KCNN2: variants seen among roughly 807,000 people sequenced by gnomAD.
The protein encoded by KCNN2 is small conductance calcium-activated potassium channel protein 2.
In KCNN2, 24 loss-of-function variants were observed where a neutral mutation model predicts 55.5. That is an observed-to-expected ratio of 0.43 (90% CI 0.31 to 0.61). The LOEUF (loss-of-function observed/expected upper bound fraction) is 0.61, where lower values mean the gene tolerates loss of function less well. Ranked by LOEUF, KCNN2 falls within the 20% of genes least tolerant of loss-of-function variation. KCNN2 has a pLI of 0.08. For missense variants in KCNN2, 754 were observed against 853.6 expected (o/e 0.88, Z 1.45); for synonymous variants, 431 against 336.1 (o/e 1.28, Z -3.09).
At chr5:114,112,486 A>G (rs181339056) in intron 1 of KCNN2, among the ~76,000 whole-genome samples, 75 of 152,196 alleles carry the variant, frequency 4.9e-4, no homozygotes, top group African/African-American at 1.7e-3. Flanking sequence ...TAAAAAATAC[A>G]TAAATAAATA....
At chr5:114,090,497 C>T (rs1190338196) in intron 1 of KCNN2, among the ~76,000 whole-genome samples, 1 of 151,686 alleles carries the variant, frequency 6.6e-6, no homozygotes, top group Non-Finnish European at 1.5e-5. Flanking sequence ...GAATTCATAA[C>T]CATTACTATC....
At chr5:114,171,092 G>A (rs896189316) in intron 1 of KCNN2, among the ~76,000 whole-genome samples, 4 of 151,760 alleles carry the variant, frequency 2.6e-5, no homozygotes, top group Non-Finnish European at 5.9e-5. Flanking sequence ...TTTCCATTCT[G>A]ATGTTCCACT....
At chr5:114,469,497 CTGA>C (rs369206380) in intron 4 of KCNN2, among the ~76,000 whole-genome samples, 131 of 152,242 alleles carry the variant, frequency 8.6e-4, no homozygotes, top group South Asian at 6.0e-3. Flanking sequence ...GATACATTTT[CTGA>C]CTTTGGTGAA....
intron 2 of KCNN2, among the ~76,000 whole-genome samples, chr5:114,387,870 C>T (rs1758333538): frequency 6.6e-6 from 1 of 152,094 alleles, no homozygotes; most frequent in South Asian, 2.1e-4. Flanking sequence ...CCCTCTGCTC[C>T]CACTCAGATA....
At chr5:114,137,683 T>A (rs1163322196) in intron 1 of KCNN2, among the ~76,000 whole-genome samples, 1 of 152,180 alleles carries the variant, frequency 6.6e-6, no homozygotes, top group Admixed American at 6.6e-5. Context: ...TCTGACTGCC[T>A]CATTGGCTCT....
intron 1 of KCNN2, chr5:114,057,075 C>T (rs1339175212): frequency 1.3e-5 from 2 of 152,170 alleles, no homozygotes; most frequent in African/African-American, 2.4e-5. Context: ...GAACTTTGTC[C>T]TACCTCCTCT....
chr5:114,129,910 T>A (rs1343116975), intron 1 of KCNN2, among the ~76,000 whole-genome samples: 3 of 152,190 alleles, frequency 2.0e-5, no homozygotes, highest in Non-Finnish European at 4.4e-5. Context: ...TCCAAACACA[T>A]CAAGCCCAAA....
At chr5:114,225,508 C>T (rs886931040) in intron 2 of KCNN2, among the ~76,000 whole-genome samples, 1 of 152,056 alleles carries the variant, frequency 6.6e-6, no homozygotes, top group Non-Finnish European at 1.5e-5. Context: ...GATTAAGTAA[C>T]AAAAGACACA....
At chr5:114,438,917 A>G (rs1760109373) in intron 3 of KCNN2, among the ~76,000 whole-genome samples, 1 of 152,346 alleles carries the variant, frequency 6.6e-6, no homozygotes. Flanking sequence ...GTTGGAAAGC[A>G]CATTTAATAA....
At chr5:114,154,285 A>G (rs1262342250) in intron 1 of KCNN2, among the ~76,000 whole-genome samples, 6 of 152,166 alleles carry the variant, frequency 3.9e-5, no homozygotes, top group East Asian at 3.9e-4. Context: ...GCAGAGAAAC[A>G]TGAGCCCATA....
At position 114,363,274 on chromosome 5, in the gene KCNN2, A is replaced by T; in HGVS notation, c.1122+13A>T. The T allele has an allele frequency of 6.3e-7, 1 of 1,577,376 alleles. No individual in the cohort carries two copies. The highest frequency in any genetic ancestry group is 1.2e-5 in the South Asian group (1 of 86,268). On this transcript the variant is annotated intron_variant, in intron 1 of 7. Transcript: ENST00000673685. ...CGCCTACGACAAGGTACAGGCTTGA[A>T]CCCCAGCCCACGCTACCGGAGTCGG...
At chr5:114,129,335 G>A (rs1752001838) in intron 1 of KCNN2, among the ~76,000 whole-genome samples, 2 of 152,094 alleles carry the variant, frequency 1.3e-5, no homozygotes, top group African/African-American at 4.8e-5. Flanking sequence ...ACCCAACAAA[G>A]AGAATACAAA....
At chr5:114,343,745 T>G (rs1306407141) in intron 2 of KCNN2, among the ~76,000 whole-genome samples, 1 of 151,966 alleles carries the variant, frequency 6.6e-6, no homozygotes, top group African/African-American at 2.4e-5. Context: ...GGTGAGGGAA[T>G]GAGTGGTACA....
chr5:114,381,102 C>G (rs1758111561), intron 2 of KCNN2, among the ~76,000 whole-genome samples: 1 of 152,066 alleles, frequency 6.6e-6, no homozygotes, highest in Non-Finnish European at 1.5e-5. Context: ...ATAAAATAAC[C>G]TATCTTAGAG....
chr5:114,487,255 T>A, intron 6 of KCNN2, 78 bp downstream of exon 6: 1 of 1,328,894 alleles, frequency 7.5e-7, no homozygotes, highest in Admixed American at 2.1e-5. Context: ...TCTTGTTTCA[T>A]AAGGAAGGAA....
intron 1 of KCNN2, among the ~76,000 whole-genome samples, chr5:114,206,796 G>C (rs1159940183): frequency 1.3e-5 from 2 of 150,474 alleles, no homozygotes; most frequent in East Asian, 3.9e-4. Context: ...AGATTAAAAT[G>C]GTCACAGTCT....
chr5:114,377,430 G>T (rs1209485347), intron 2 of KCNN2, among the ~76,000 whole-genome samples: 1 of 152,208 alleles, frequency 6.6e-6, no homozygotes, highest in Non-Finnish European at 1.5e-5. Flanking sequence ...ATGTTGGATG[G>T]TGTCTGTTGC....
chr5:114,384,941 A>G (rs919019645), intron 2 of KCNN2, among the ~76,000 whole-genome samples: 1 of 152,044 alleles, frequency 6.6e-6, no homozygotes, highest in African/African-American at 2.4e-5. Context: ...AGTTTCAAAA[A>G]TAATCATTAA....
intron 3 of KCNN2, among the ~76,000 whole-genome samples, chr5:114,422,042 A>G (rs1024247977): frequency 1.3e-5 from 2 of 152,214 alleles, no homozygotes; most frequent in African/African-American, 2.4e-5. Flanking sequence ...TTTTTATATC[A>G]GTAGTCACTG....
Sources: allele counts gnomAD v4.1 joint callset (sites outside exome capture counted in the v4.1 genomes callset), GRCh38; gene constraint gnomAD v4.1.1; transcripts MANE v1.5; gene names NCBI Gene and HGNC (gene_info 2026-07-23, HGNC 2026-07-21).